The following COBL variants were observed in gnomAD, a reference collection of about 807,000 sequenced individuals.
COBL encodes the protein protein cordon-bleu.
COBL carries 51 observed loss-of-function variants against 98.8 expected under a neutral mutation model. That is an observed-to-expected ratio of 0.52 (90% CI 0.41 to 0.65). The LOEUF (loss-of-function observed/expected upper bound fraction) is 0.65. Among genes scored for constraint, COBL ranks in the 30% least tolerant of loss-of-function variants. COBL has a pLI of 0.00. For synonymous variants in COBL, 634 were observed against 651.7 expected (o/e 0.97, Z 0.41); for missense variants, 1,617 against 1,617.5 (o/e 1.00, Z 0.01).
chr7:51,111,327 G>T (rs1248276117), intron 6 of COBL, among the ~76,000 whole-genome samples: 1 of 152,008 alleles, frequency 6.6e-6, no homozygotes, highest in African/African-American at 2.4e-5. Context: ...ATCCTTGCCA[G>T]CATTTGCTTT....
intron 1 of COBL, among the ~76,000 whole-genome samples, chr7:51,291,482 C>T (rs1315693427): frequency 6.6e-6 from 1 of 152,144 alleles, no homozygotes; most frequent in Non-Finnish European, 1.5e-5. Flanking sequence ...TTTATCAAGC[C>T]AGGCATGGTG....
At chr7:51,221,343 C>T (rs1385591215) in intron 1 of COBL, among the ~76,000 whole-genome samples, 2 of 152,172 alleles carry the variant, frequency 1.3e-5, no homozygotes, top group East Asian at 3.9e-4. Context: ...AACAATCCCA[C>T]AAGACAGCAT....
At chr7:51,208,565 C>T (rs1479864164) in intron 2 of COBL, among the ~76,000 whole-genome samples, 1 of 152,250 alleles carries the variant, frequency 6.6e-6, no homozygotes, top group Non-Finnish European at 1.5e-5. Flanking sequence ...GAGGCGTGCC[C>T]AGCGGCTCAT....
At chr7:51,051,010 CT>C (rs1189951949) in intron 7 of COBL, among the ~76,000 whole-genome samples, 1 of 152,068 alleles carries the variant, frequency 6.6e-6, no homozygotes, top group Non-Finnish European at 1.5e-5. Context: ...ATGTCTTTCC[CT>C]TTCCTAGATT....
chr7:51,288,513 G>A (rs952521822), intron 1 of COBL, among the ~76,000 whole-genome samples: 1 of 151,800 alleles, frequency 6.6e-6, no homozygotes, highest in Non-Finnish European at 1.5e-5. Context: ...AGCACTTTGT[G>A]AGGCCGAGGC....
intron 6 of COBL, among the ~76,000 whole-genome samples, chr7:51,116,941 T>TA (rs1240486710): frequency 2.0e-4 from 30 of 152,088 alleles, no homozygotes; most frequent in African/African-American, 7.0e-4. Context: ...TATATATATA[T>TA]TTTTAATAAT....
chr7:51,284,250 G>C (rs566718889), intron 1 of COBL, among the ~76,000 whole-genome samples: 47 of 150,726 alleles, frequency 3.1e-4, no homozygotes, highest in African/African-American at 1.1e-3. Flanking sequence ...GCAGTGAGCA[G>C]AGATTGCGCC....
At chr7:51,143,551 T>C (rs1348670913) in intron 5 of COBL, among the ~76,000 whole-genome samples, 2 of 152,098 alleles carry the variant, frequency 1.3e-5, no homozygotes, top group East Asian at 1.9e-4. Context: ...AATAATACCA[T>C]GGACTAGATC....
chr7:51,286,721 C>T (rs183180097), intron 1 of COBL, among the ~76,000 whole-genome samples: 1 of 152,242 alleles, frequency 6.6e-6, no homozygotes, highest in African/African-American at 2.4e-5. Context: ...AGAACTTAAG[C>T]ATAACTACCA....
intron 12 of COBL, 99 bp from the exon 13 acceptor site, chr7:51,017,667 T>C (rs1786405992): frequency 7.9e-6 from 10 of 1,259,994 alleles, no homozygotes; most frequent in Non-Finnish European, 1.2e-5. Context: ...ACTCTTGCAA[T>C]AGTACTCCTG....
At chr7:51,216,943 A>C (rs768229603) in intron 2 of COBL, among the ~76,000 whole-genome samples, 5 of 152,244 alleles carry the variant, frequency 3.3e-5, no homozygotes, top group Non-Finnish European at 7.3e-5. Flanking sequence ...ATATTAATAA[A>C]GAGCATAACA....
intron 4 of COBL, among the ~76,000 whole-genome samples, chr7:51,186,275 G>A (rs547848831): frequency 4.7e-4 from 71 of 152,332 alleles, no homozygotes; most frequent in Middle Eastern, 6.8e-3. Context: ...TTCAGTTCAC[G>A]ACGGCTTTAT....
At chr7:51,205,195 T>C (rs891001376) in intron 2 of COBL, among the ~76,000 whole-genome samples, 2 of 152,166 alleles carry the variant, frequency 1.3e-5, no homozygotes, top group African/African-American at 2.4e-5. Context: ...ACAAAAGATC[T>C]TGAATACTCA....
intron 1 of COBL, among the ~76,000 whole-genome samples, chr7:51,268,474 C>G (rs1354032788): frequency 6.6e-6 from 1 of 152,184 alleles, no homozygotes; most frequent in Non-Finnish European, 1.5e-5. Flanking sequence ...ACCACCCTTC[C>G]TGCAACGCAG....
Position 51,043,656 on chromosome 7 carries a change from G to A in COBL, c.1133C>T (p.Pro378Leu), listed in dbSNP as rs370218174. 19 of 1,614,080 alleles carry A rather than the reference G, an allele frequency of 1.2e-5. No individual in the cohort carries two copies. The highest frequency in any genetic ancestry group is 3.3e-5 in the Admixed American group (2 of 60,022). ...TGACAGCACCTGCGGGGCTCCATCC[G>A]GGCTGCAGTGGCTGCCAGACCCCAG... Reference protein sequence around the residue: ...LPLGSGSHCSPDGAPQVLSEA... With the variant: ...LPLGSGSHCSLDGAPQVLSEA... Residue 378 changes from proline to leucine, a missense_variant, in exon 8 of 13, where the codon CCG becomes CTG. Physicochemically the swap from Pro to Leu is moderately conservative, Grantham distance 98. This residue lies in a region of COBL where 1,304 missense variants were observed against 1,282.0 expected (regional missense o/e 1.02). Coordinates refer to ENST00000265136, the MANE Select transcript of COBL (RefSeq NM_015198.5).
At chr7:51,209,391 G>A (rs1050021905) in intron 2 of COBL, among the ~76,000 whole-genome samples, 4 of 152,168 alleles carry the variant, frequency 2.6e-5, no homozygotes, top group African/African-American at 4.8e-5. Flanking sequence ...GGTGCTGGTG[G>A]CAGTGGGAGC....
At chr7:51,065,451 T>C (rs1211762537) in intron 7 of COBL, 2 of 696,578 alleles carry the variant, frequency 2.9e-6, no homozygotes, top group Admixed American at 4.0e-5. Flanking sequence ...CTCCATAAAC[T>C]GTAGGGGCAA....
Position 51,061,950 on chromosome 7 carries a change from T to TACAC in COBL, c.1097-18262_1097-18259dup, listed in dbSNP as rs3047134. On this transcript the variant is annotated intron_variant, in intron 7 of 12. Coordinates refer to ENST00000265136, the MANE Select transcript of COBL (RefSeq NM_015198.5). ...AAAAAAAATCTCTCCCCACCATAGA[T>TACAC]ACACACACACACACACACACACACA... Among the ~76,000 whole-genome samples the TACAC allele has an allele frequency of 2.1e-3, 305 of 145,530 alleles. 1 individual carries two copies. The highest frequency in any genetic ancestry group is 7.4e-3 in the African/African-American group (271 of 36,788).
At chr7:51,271,253 C>T (rs1798732376) in intron 1 of COBL, among the ~76,000 whole-genome samples, 1 of 152,218 alleles carries the variant, frequency 6.6e-6, no homozygotes. Flanking sequence ...CAGGATAAAG[C>T]AGGAAAGCTT....
Sources: gnomAD v4.1 joint callset for allele counts (sites outside exome capture counted in the v4.1 genomes callset) on GRCh38, gnomAD v4.1.1 for gene constraint, gnomAD v4.1.1 regional missense constraint, MANE v1.5 for transcripts, NCBI Gene and HGNC (gene_info 2026-07-23, HGNC 2026-07-21) for gene names.